ELMO1: variants seen among roughly 807,000 people sequenced by gnomAD.
The protein encoded by ELMO1 is engulfment and cell motility 1, also known as engulfment and cell motility protein 1.
Under a neutral mutation model 98.9 loss-of-function variants are expected in ELMO1, and 26 were observed. The observed-to-expected ratio is 0.26, with a 90% CI of 0.19 to 0.36. ELMO1 has a LOEUF of 0.36. Among genes scored for constraint, ELMO1 ranks in the 10% least tolerant of loss-of-function variants. ELMO1 has a pLI of 1.00. For missense variants in ELMO1, 627 were observed against 935.2 expected (o/e 0.67, Z 4.30); for synonymous variants, 346 against 346.0 (o/e 1.00, Z 0.00).
intron 5 of ELMO1, among the ~76,000 whole-genome samples, chr7:37,260,375 T>C (rs574472719): frequency 6.6e-6 from 1 of 152,234 alleles, no homozygotes; most frequent in African/African-American, 2.4e-5. Flanking sequence ...GTTACAACTC[T>C]CTCAGGAACC....
chr7:37,179,364 G>A (rs753305321), intron 13 of ELMO1, among the ~76,000 whole-genome samples: 28 of 144,530 alleles, frequency 1.9e-4, no homozygotes, highest in East Asian at 4.1e-4. Flanking sequence ...TGCAACCTCC[G>A]CCTCCAGGGT....
intron 4 of ELMO1, among the ~76,000 whole-genome samples, chr7:37,289,438 C>T (rs950749169): frequency 3.9e-5 from 6 of 152,196 alleles, no homozygotes; most frequent in Non-Finnish European, 8.8e-5. Context: ...ACATCCTGCA[C>T]AGAAATGAAC....
chr7:36,910,753 G>A (rs1035317662), intron 16 of ELMO1, among the ~76,000 whole-genome samples: 1 of 152,138 alleles, frequency 6.6e-6, no homozygotes, highest in Non-Finnish European at 1.5e-5. Flanking sequence ...AGATATAAAC[G>A]ATGGCTGGAA....
At chr7:37,072,555 A>G (rs1265061535) in intron 15 of ELMO1, among the ~76,000 whole-genome samples, 1 of 152,224 alleles carries the variant, frequency 6.6e-6, no homozygotes, top group Non-Finnish European at 1.5e-5. Context: ...TCGGAATGCA[A>G]ATCAATATAG....
intron 4 of ELMO1, among the ~76,000 whole-genome samples, chr7:37,276,842 G>A (rs76436725): frequency 0.052 from 7,982 of 152,248 alleles, 277 homozygotes; most frequent in African/African-American, 0.076. Flanking sequence ...CTTTGTATTG[G>A]AGGCAGGGAA....
At chr7:37,169,046 G>A (rs1414931927) in intron 13 of ELMO1, among the ~76,000 whole-genome samples, 3 of 152,138 alleles carry the variant, frequency 2.0e-5, no homozygotes, top group Non-Finnish European at 2.9e-5. Context: ...GGGCAATGGC[G>A]GGCACCCCTC....
chr7:37,233,864 T>A (rs1196426989), intron 7 of ELMO1, among the ~76,000 whole-genome samples: 1 of 152,224 alleles, frequency 6.6e-6, no homozygotes, highest in Non-Finnish European at 1.5e-5. Context: ...AGATAATCAC[T>A]CCACATAATG....
intron 15 of ELMO1, among the ~76,000 whole-genome samples, chr7:37,068,428 A>C (rs1193935947): frequency 6.6e-6 from 1 of 152,198 alleles, no homozygotes; most frequent in Non-Finnish European, 1.5e-5. Context: ...TGGCCAATGT[A>C]TATGACACTT....
chr7:37,074,614 G>A (rs192105575), intron 15 of ELMO1, among the ~76,000 whole-genome samples: 57 of 152,266 alleles, frequency 3.7e-4, no homozygotes, highest in African/African-American at 1.3e-3. Flanking sequence ...AACACAGTAG[G>A]TGCCCCACAG....
At chr7:36,950,540 C>T (rs372923964) in intron 16 of ELMO1, among the ~76,000 whole-genome samples, 4 of 152,136 alleles carry the variant, frequency 2.6e-5, no homozygotes, top group East Asian at 1.9e-4. Context: ...TGTTTCATGG[C>T]GCCAGGCAAT....
chr7:37,188,485 GGT>G (rs1791363868), intron 13 of ELMO1, among the ~76,000 whole-genome samples: 1 of 45,822 alleles, frequency 2.2e-5, no homozygotes, highest in Non-Finnish European at 3.6e-5. Flanking sequence ...ACTGGAGAAA[GGT>G]AAAAAAAAAA....
intron 13 of ELMO1, among the ~76,000 whole-genome samples, chr7:37,169,660 T>C (rs1305475294): frequency 6.6e-6 from 1 of 152,236 alleles, no homozygotes; most frequent in Non-Finnish European, 1.5e-5. Flanking sequence ...TCTTTTTACA[T>C]TTTCACTTTT....
chr7:36,893,481 C>T (rs1328502896), intron 17 of ELMO1, among the ~76,000 whole-genome samples: 1 of 152,204 alleles, frequency 6.6e-6, no homozygotes, highest in Non-Finnish European at 1.5e-5. Flanking sequence ...AAGCATTTTC[C>T]CTGCCCCGCT....
intron 14 of ELMO1, among the ~76,000 whole-genome samples, chr7:37,107,388 C>T (rs934039053): frequency 2.6e-5 from 4 of 152,186 alleles, no homozygotes; most frequent in Non-Finnish European, 5.9e-5. Context: ...TGATGTCAAA[C>T]TCTCTCCTAA....
chr7:36,952,964 CT>C (rs70980904), intron 16 of ELMO1, among the ~76,000 whole-genome samples: 5,515 of 82,926 alleles, frequency 0.067, 43 homozygotes, highest in Non-Finnish European at 0.08. Context: ...AGTCACTACT[CT>C]TTTTTTTTTT....
intron 14 of ELMO1, among the ~76,000 whole-genome samples, chr7:37,109,661 A>G (rs895815077): frequency 2.6e-5 from 4 of 152,102 alleles, no homozygotes; most frequent in African/African-American, 9.7e-5. Context: ...TTCCTAGGTG[A>G]TGACGCCCCC....
chr7:37,274,491 C>G (rs1441823816), intron 4 of ELMO1, among the ~76,000 whole-genome samples: 1 of 152,104 alleles, frequency 6.6e-6, no homozygotes, highest in Non-Finnish European at 1.5e-5. Context: ...TTATTCTTCC[C>G]AAATTTTCCA....
intron 4 of ELMO1, among the ~76,000 whole-genome samples, chr7:37,281,062 A>G (rs1403463022): frequency 6.6e-6 from 1 of 151,586 alleles, no homozygotes; most frequent in Non-Finnish European, 1.5e-5. Context: ...AGCCATAAAA[A>G]GGAGTGAGTT....
At chr7:36,997,937 G>A (rs1792341928) in intron 16 of ELMO1, 1 of 152,358 alleles carries the variant, frequency 6.6e-6, no homozygotes, top group Non-Finnish European at 1.5e-5. Context: ...CAGCAGGTGG[G>A]TGTGGGTGAA....
Sources: gnomAD v4.1 joint callset for allele counts (sites outside exome capture counted in the v4.1 genomes callset) on GRCh38, gnomAD v4.1.1 for gene constraint, MANE v1.5 for transcripts, NCBI Gene and HGNC (gene_info 2026-07-23, HGNC 2026-07-21) for gene names.